Variants in PXDNL observed in about 807,000 individuals in gnomAD.
PXDNL encodes the protein peroxidasin like.
A neutral mutation model predicts 150.8 loss-of-function variants in PXDNL; 145 were observed. The observed-to-expected ratio is 0.96, with a 90% confidence interval of 0.84 to 1.10. PXDNL has a LOEUF of 1.10. PXDNL is among the 50% of genes least tolerant of loss of function. The pLI is 0.00. For synonymous variants in PXDNL, 757 were observed against 725.7 expected (o/e 1.04, Z -0.69); for missense variants, 2,087 against 1,873.9 (o/e 1.11, Z -2.10).
intron 1 of PXDNL, among the ~76,000 whole-genome samples, chr8:51,780,211 T>TA (rs982675626): frequency 4.6e-5 from 7 of 150,800 alleles, no homozygotes; most frequent in South Asian, 2.1e-4. Context: ...AACTCTGTCT[T>TA]AAAAAAAAAG....
rs984290011 is a variant in PXDNL, at chr8:51,475,205, T to C, written c.525-64A>G. Reference sequence around the variant, plus strand: ...CTATTAATTTCTATGATGAATCTTTTGAGTGGTAATATTTAATTTCCCCTG... The same window carrying C: ...CTATTAATTTCTATGATGAATCTTTCGAGTGGTAATATTTAATTTCCCCTG... On this transcript the variant is annotated intron_variant, in intron 6 of 22. Coordinates refer to ENST00000356297, the MANE Select transcript of PXDNL (RefSeq NM_144651.5). The C allele has an allele frequency of 1.6e-5, 23 of 1,462,592 alleles. No homozygotes were observed. In the African/African-American group the frequency reaches 3.0e-4, roughly 19 times the overall value. The allele number at this position is 1,462,592 out of a possible 1,614,324, so 90.6% of individuals were successfully genotyped here.
intron 19 of PXDNL, among the ~76,000 whole-genome samples, chr8:51,358,960 T>C (rs1459349705): frequency 6.6e-6 from 1 of 152,192 alleles, no homozygotes; most frequent in African/African-American, 2.4e-5. Context: ...CATGTTCAGA[T>C]TTCTGGCCGA....
At chr8:51,727,069 TATAAG>T (rs1397970071) in intron 1 of PXDNL, among the ~76,000 whole-genome samples, 1 of 152,170 alleles carries the variant, frequency 6.6e-6, no homozygotes, top group Admixed American at 6.5e-5. Flanking sequence ...CATTTGTACT[TATAAG>T]ATGACACCAA....
Position 51,780,402 on chromosome 8 carries a change from A to G in PXDNL, c.164+28779T>C, listed in dbSNP as rs28540690. On this transcript the variant is annotated intron_variant, in intron 1 of 22. Transcript: ENST00000356297. ...TCAGACACCCAAAAATACATATGTAAATTCCCATATGGGTTTCCAAGAACC... is the reference window on the plus strand; with the variant it reads ...TCAGACACCCAAAAATACATATGTAGATTCCCATATGGGTTTCCAAGAACC... Among the ~76,000 whole-genome samples, 374 of 152,216 alleles carry G rather than the reference A, an allele frequency of 2.5e-3. 1 individual carries two copies. The highest frequency in any genetic ancestry group is 7.2e-3 in the African/African-American group (301 of 41,530).
chr8:51,323,219 T>G (rs1375034573), intron 21 of PXDNL, among the ~76,000 whole-genome samples: 4 of 152,204 alleles, frequency 2.6e-5, no homozygotes, highest in Non-Finnish European at 5.9e-5. Context: ...CAGTAAAGCT[T>G]TTTCAAATTT....
chr8:51,768,643 A>T lies in PXDNL; in HGVS notation c.164+40538T>A, dbSNP rs113591117. 8.4e-3 allele frequency among the ~76,000 whole-genome samples: 1,278 copies of T among 152,322 alleles called. 9 individuals carry two copies. Among genetic ancestry groups the T allele is most frequent in the Non-Finnish European group, 0.014 (949 of 68,014 alleles). The stretch of plus-strand genomic sequence containing the variant: ...AAACAAGCCATGAATAATTTAAAGA[A>T]AAAAAGGAAAAGGAACTTGTGAGCT... On this transcript the variant is annotated intron_variant, in intron 1 of 22. Transcript: ENST00000356297.
chr8:51,548,006 G>C (rs1229356486), intron 4 of PXDNL, among the ~76,000 whole-genome samples: 1 of 149,128 alleles, frequency 6.7e-6, no homozygotes, highest in East Asian at 2.0e-4. Flanking sequence ...ACAACTTCTA[G>C]AAATGAAAGA....
At chr8:51,753,466 C>A (rs4873205) in intron 1 of PXDNL, among the ~76,000 whole-genome samples, 2 of 152,184 alleles carry the variant, frequency 1.3e-5, no homozygotes, top group Non-Finnish European at 2.9e-5. Flanking sequence ...CATAAACTGA[C>A]ATAATTTCAT....
chr8:51,563,592 A>G (rs1347720384), intron 3 of PXDNL, among the ~76,000 whole-genome samples: 2 of 151,940 alleles, frequency 1.3e-5, no homozygotes, highest in African/African-American at 4.8e-5. Flanking sequence ...AATGGACTCT[A>G]TTTACCCCAA....
intron 1 of PXDNL, among the ~76,000 whole-genome samples, chr8:51,663,850 A>G (rs1815326070): frequency 6.6e-6 from 1 of 152,078 alleles, no homozygotes; most frequent in African/African-American, 2.4e-5. Flanking sequence ...TCAGGAGTTC[A>G]TGACCAGCCT....
chr8:51,576,878 C>T (rs1813066044), intron 3 of PXDNL, among the ~76,000 whole-genome samples: 1 of 151,816 alleles, frequency 6.6e-6, no homozygotes, highest in Non-Finnish European at 1.5e-5. Flanking sequence ...CAATTCTACA[C>T]ATATATATTT....
chr8:51,776,904 A>T lies in PXDNL; in HGVS notation c.164+32277T>A, dbSNP rs569607954. On this transcript the variant is annotated intron_variant, in intron 1 of 22. Transcript: ENST00000356297. The stretch of plus-strand genomic sequence containing the variant: ...TTTTGTTCTGGTTTTAATGCTGTTT[A>T]TTAGCCTAGGAACAAATGTAGACAT... Among the ~76,000 whole-genome samples the T allele has an allele frequency of 3.5e-4, 53 of 152,206 alleles. 1 individual carries two copies. Among genetic ancestry groups the T allele is most frequent in the Admixed American group, 1.5e-3 (23 of 15,286 alleles).
chr8:51,322,709 A>C (rs1805362662), intron 21 of PXDNL, among the ~76,000 whole-genome samples: 1 of 152,198 alleles, frequency 6.6e-6, no homozygotes. Flanking sequence ...AAAAATCACG[A>C]TGAACTCAGA....
Position 51,628,399 on chromosome 8 carries a change from C to CTTTT in PXDNL, c.236+26286_236+26289dup, listed in dbSNP as rs71550276. ...ATCTCTCTCTGTTTTCTTTTCTTTT[C>CTTTT]TTTTTTTTTTTTTTTTTTTTTTTGG... On this transcript the variant is annotated intron_variant, in intron 2 of 22. Coordinates refer to ENST00000356297, the MANE Select transcript of PXDNL (RefSeq NM_144651.5). 6.5e-3 allele frequency among the ~76,000 whole-genome samples: 454 copies of CTTTT among 69,818 alleles called. 8 individuals carry two copies. The highest frequency in any genetic ancestry group is 8.5e-3 in the East Asian group (15 of 1,772). 45.8% of individuals were successfully genotyped at this position (69,818 alleles called of 152,430 possible). A position where few individuals can be genotyped will look rare whatever the true frequency, so the allele number is the denominator to read the frequency against.
At chr8:51,714,797 T>C (rs988826567) in intron 1 of PXDNL, among the ~76,000 whole-genome samples, 9 of 152,248 alleles carry the variant, frequency 5.9e-5, no homozygotes, top group Non-Finnish European at 1.3e-4. Flanking sequence ...ACCTTTTTGC[T>C]TTGGTATTAT....
intron 1 of PXDNL, among the ~76,000 whole-genome samples, chr8:51,697,407 C>T (rs976494468): frequency 6.6e-6 from 1 of 152,108 alleles, no homozygotes. Context: ...TATTGGCTTA[C>T]ATATATTTAA....
intron 10 of PXDNL, among the ~76,000 whole-genome samples, chr8:51,449,809 G>A (rs1167588337): frequency 6.6e-6 from 1 of 152,166 alleles, no homozygotes; most frequent in Non-Finnish European, 1.5e-5. Flanking sequence ...AAGAACTTTC[G>A]CAGATGACTT....
At chr8:51,668,206 C>T (rs1003753695) in intron 1 of PXDNL, among the ~76,000 whole-genome samples, 10 of 14,372 alleles carry the variant, frequency 7.0e-4, no homozygotes, top group Non-Finnish European at 1.8e-3. Flanking sequence ...GACAGAGTCT[C>T]ACTCTGTTGC....
At chr8:51,732,422 C>A (rs1036247078) in intron 1 of PXDNL, among the ~76,000 whole-genome samples, 2 of 152,208 alleles carry the variant, frequency 1.3e-5, no homozygotes, top group African/African-American at 4.8e-5. Flanking sequence ...TGGTCAAAGC[C>A]ATTTAACAAG....
Sources: allele counts gnomAD v4.1 joint callset (sites outside exome capture counted in the v4.1 genomes callset), GRCh38; gene constraint gnomAD v4.1.1; transcripts MANE v1.5; gene names NCBI Gene and HGNC (gene_info 2026-07-23, HGNC 2026-07-21).